The following UNC13A variants were observed in gnomAD, a reference collection of about 807,000 sequenced individuals.
UNC13A encodes the protein protein unc-13 homolog A.
Under a neutral mutation model 219.7 loss-of-function variants are expected in UNC13A, and 61 were observed. The observed-to-expected ratio is 0.28, with a 90% CI of 0.23 to 0.34. UNC13A has a LOEUF of 0.34. Among genes scored for constraint, UNC13A ranks in the 10% least tolerant of loss-of-function variants. UNC13A has a pLI of 1.00. For synonymous variants in UNC13A, 920 were observed against 884.6 expected, an observed-to-expected ratio of 1.04 and a Z score of -0.71; for missense variants, 1,476 against 2,270.3, an observed-to-expected ratio of 0.65 and a Z score of 7.11.
At chr19:17,631,736 T>C (rs1432552882) in intron 28 of UNC13A, among the ~76,000 whole-genome samples, 1 of 152,134 alleles carries the variant, frequency 6.6e-6, no homozygotes, top group Non-Finnish European at 1.5e-5. Flanking sequence ...CACTCATTCA[T>C]TTTATTTTTA....
chr19:17,666,126 C>CTT (rs775908127), intron 7 of UNC13A, among the ~76,000 whole-genome samples: 1 of 130,172 alleles, frequency 7.7e-6, no homozygotes, highest in Admixed American at 7.9e-5. Context: ...CTTTTCTTTT[C>CTT]TTTCTTTTTC....
In UNC13A at chr19:17,636,005, A is replaced by G; in HGVS notation, c.3215+19T>C. On this transcript the variant is annotated intron_variant, in intron 26 of 43. Transcript: ENST00000519716. ...CACGATGACACCCAGATAATTAACT[A>G]CACAGATACACAACTCACTGGTTGA... 6.2e-7 allele frequency: 1 copy of G among 1,601,858 alleles called. No individual in the cohort carries two copies. Among genetic ancestry groups the G allele is most frequent in the African/African-American group, 1.3e-5 (1 of 74,910 alleles).
chr19:17,649,288 T>C lies in UNC13A; in HGVS notation c.1524+51A>G. ...TTGGGGGCCTGTTAGAAGATCCCAG[T>C]GGGGGAGTTTGGGGAGAAGATCCCA... On this transcript the variant is annotated intron_variant, in intron 14 of 43. Transcript: ENST00000519716. The surrounding 1 kb of genome is among the most constrained non-coding windows in gnomAD (Gnocchi z 4.4). The C allele has an allele frequency of 2.6e-6, 4 of 1,551,240 alleles. No individual in the cohort carries two copies. The highest frequency in any genetic ancestry group is 3.5e-6 in the Non-Finnish European group (4 of 1,154,902).
At position 17,604,224 on chromosome 19, in the gene UNC13A, G is replaced by C. The variant is rs1384106852; in HGVS notation, c.*1830C>G. On this transcript the variant is annotated 3_prime_UTR_variant, in exon 44 of 44. Coordinates refer to ENST00000519716, the MANE Select transcript of UNC13A (RefSeq NM_001080421.3). ...TTCACAAAACAGCTTTTGCAGGCTG[G>C]AATCCAGTCTCTCCCCAACTTAAAA... The C allele has an allele frequency of 6.6e-6, 1 of 152,150 alleles. No individual in the cohort carries two copies. The highest frequency in any genetic ancestry group is 2.4e-5 in the African/African-American group (1 of 41,392). The allele number at this position is 152,150 out of a possible 1,614,324, so 9.4% of individuals were successfully genotyped here. A position where few individuals can be genotyped will look rare whatever the true frequency, so the allele number is the denominator to read the frequency against.
chr19:17,610,512 A>C (rs1203093953), intron 42 of UNC13A, among the ~76,000 whole-genome samples: 1 of 152,078 alleles, frequency 6.6e-6, no homozygotes, highest in East Asian at 1.9e-4. Context: ...CGCCGCCAAA[A>C]ACCCTGTCTG....
chr19:17,618,964 TG>T lies in UNC13A; in HGVS notation c.4273-3del. The T allele has an allele frequency of 6.2e-7, 1 of 1,613,944 alleles. No homozygotes were observed. Among genetic ancestry groups the T allele is most frequent in the Non-Finnish European group, 8.5e-7 (1 of 1,179,836 alleles). ...TGCATTGAAGATCATCTGGGTTCCCTGCAGGTAACAACATACAGCTGGGTGA... is the reference window on the plus strand; with the variant it reads ...TGCATTGAAGATCATCTGGGTTCCCTCAGGTAACAACATACAGCTGGGTGA... On this transcript the variant is annotated splice_polypyrimidine_tract_variant and splice_region_variant and intron_variant, in intron 38 of 43. Coordinates refer to ENST00000519716, the MANE Select transcript of UNC13A (RefSeq NM_001080421.3).
At chr19:17,618,833 G>T in intron 39 of UNC13A, 73 bp downstream of exon 39, 1 of 1,491,492 alleles carries the variant, frequency 6.7e-7, no homozygotes, top group Non-Finnish European at 9.3e-7. Flanking sequence ...CCTCCCCCAG[G>T]ATGGTGGCAA....
At chr19:17,640,694 G>A (rs1469235716) in intron 21 of UNC13A, 33 bp from the exon 22 acceptor site, 7 of 1,544,180 alleles carry the variant, frequency 4.5e-6, no homozygotes, top group Non-Finnish European at 6.1e-6. Context: ...ACTAGGCCAG[G>A]GGTCCAGCCA....
At chr19:17,675,097 G>C (rs971028979) in intron 2 of UNC13A, among the ~76,000 whole-genome samples, 17 of 152,172 alleles carry the variant, frequency 1.1e-4, no homozygotes, top group African/African-American at 2.4e-4. Flanking sequence ...GGAGGTCAAG[G>C]GGGGAGGATT....
chr19:17,609,096 C>T (rs1474364043), intron 43 of UNC13A, among the ~76,000 whole-genome samples: 2 of 145,994 alleles, frequency 1.4e-5, no homozygotes, highest in African/African-American at 5.1e-5. Flanking sequence ...TAGCTGGGAT[C>T]ACAGGCGTGC....
At chr19:17,613,312 G>C (rs925479623) in intron 41 of UNC13A, among the ~76,000 whole-genome samples, 1 of 152,068 alleles carries the variant, frequency 6.6e-6, no homozygotes, top group African/African-American at 2.4e-5. Flanking sequence ...AGGAGGCTGA[G>C]GCAGGAGGAT....
intron 1 of UNC13A, among the ~76,000 whole-genome samples, chr19:17,681,069 CTT>C (rs71929988): frequency 5.0e-4 from 48 of 96,062 alleles, no homozygotes; most frequent in African/African-American, 1.2e-3. Context: ...TTGGCTATTC[CTT>C]TTTTTTTTTT....
At chr19:17,681,501 C>G (rs955791876) in intron 1 of UNC13A, among the ~76,000 whole-genome samples, 3 of 152,156 alleles carry the variant, frequency 2.0e-5, no homozygotes, top group South Asian at 4.2e-4. Context: ...AAATGAGGAC[C>G]CTTATCCTCC....
At chr19:17,662,377 G>A (rs1354200757) in intron 8 of UNC13A, among the ~76,000 whole-genome samples, 1 of 152,078 alleles carries the variant, frequency 6.6e-6, no homozygotes, top group African/African-American at 2.4e-5. Flanking sequence ...ACCCTAAGAT[G>A]GGACTGTCTA....
At chr19:17,618,634 A>G (rs549919406) in intron 39 of UNC13A, 133 bp from the exon 40 acceptor site, 5 of 911,874 alleles carry the variant, frequency 5.5e-6, no homozygotes, top group South Asian at 1.6e-5. Flanking sequence ...CCAGCACCCA[A>G]TATGTGACTG....
chr19:17,637,374 T>C (rs1011269266), intron 25 of UNC13A, among the ~76,000 whole-genome samples: 2 of 151,586 alleles, frequency 1.3e-5, no homozygotes, highest in African/African-American at 4.9e-5. Context: ...CTCAGCTCAC[T>C]GCAAGCTCTG....
intron 3 of UNC13A, among the ~76,000 whole-genome samples, chr19:17,673,655 T>C (rs529898839): frequency 3.4e-4 from 52 of 151,242 alleles, no homozygotes; most frequent in African/African-American, 1.3e-3. Context: ...ATTGCACCAC[T>C]ACACTCCAGC....
rs960927693 is a variant in UNC13A, at chr19:17,649,899, C to G, written c.1440-312G>C. 6.6e-6 allele frequency among the ~76,000 whole-genome samples: 1 copy of G among 152,024 alleles called. No homozygotes were observed. The highest frequency in any genetic ancestry group is 2.4e-5 in the African/African-American group (1 of 41,376). ...CTGTGACAGCAGAGGCAGAAAGCGA[C>G]GTATCTACAAACCAATACTCGGGGG... is the stretch of plus-strand genomic sequence containing the variant. On this transcript the variant is annotated intron_variant, in intron 12 of 43. Coordinates refer to ENST00000519716, the MANE Select transcript of UNC13A (RefSeq NM_001080421.3). This position sits in a 1 kb window ranked among gnomAD's most constrained non-coding sequence, Gnocchi z 4.4.
At chr19:17,625,983 A>G (rs996980074) in intron 34 of UNC13A, among the ~76,000 whole-genome samples, 45 of 150,788 alleles carry the variant, frequency 3.0e-4, no homozygotes, top group African/African-American at 1.1e-3. Flanking sequence ...GCATCAATCC[A>G]TCTATACATC....
Sources: allele counts gnomAD v4.1 joint callset (sites outside exome capture counted in the v4.1 genomes callset), GRCh38; gene constraint gnomAD v4.1.1; non-coding constraint Gnocchi (gnomAD v3.1); transcripts MANE v1.5; gene names NCBI Gene and HGNC (gene_info 2026-07-23, HGNC 2026-07-21).